IFT46: variants seen among roughly 807,000 people sequenced by gnomAD.
The protein encoded by IFT46 is intraflagellar transport 46, also known as intraflagellar transport protein 46 homolog.
Under a neutral mutation model 39.6 loss-of-function variants are expected in IFT46, and 19 were observed. That is an observed-to-expected ratio of 0.48 (90% CI 0.33 to 0.70). IFT46 has a LOEUF of 0.70. IFT46 is among the 30% of genes least tolerant of loss of function. The pLI, the probability that IFT46 is intolerant of heterozygous loss-of-function variation, is 0.01. For missense variants in IFT46, 334 were observed against 364.8 expected (o/e 0.92, Z 0.69); for synonymous variants, 117 against 134.8 (o/e 0.87, Z 0.91).
Position 118,544,910 on chromosome 11 carries a change from AGT to A in IFT46, c.*4_*5del. ...TCAGCCTTGAAACAGCAGCTTGGGAAGTGTCTCAGCTGAAGGTTAATGTCTCC... is the reference window on the plus strand; with the variant it reads ...TCAGCCTTGAAACAGCAGCTTGGGAAGTCTCAGCTGAAGGTTAATGTCTCC... On this transcript the variant is annotated 3_prime_UTR_variant, in exon 12 of 12. Transcript: ENST00000264021. The A allele has an allele frequency of 6.2e-7, 1 of 1,602,316 alleles. No individual in the cohort carries two copies. The highest frequency in any genetic ancestry group is 8.5e-7 in the Non-Finnish European group (1 of 1,169,732).
chr11:118,557,862 G>A, intron 3 of IFT46: 1 of 1,607,898 alleles, frequency 6.2e-7, no homozygotes, highest in Non-Finnish European at 8.5e-7. Flanking sequence ...TCTGTGGCCT[G>A]GAGCCTGTGG....
At chr11:118,549,716 G>A (rs2135482444) in intron 9 of IFT46, among the ~76,000 whole-genome samples, 1 of 151,612 alleles carries the variant, frequency 6.6e-6, no homozygotes, top group Middle Eastern at 3.5e-3. Context: ...GTAGAGATGG[G>A]GTTTCACCAT....
intron 7 of IFT46, 67 bp downstream of exon 7, chr11:118,554,392 G>A: frequency 6.8e-7 from 1 of 1,467,512 alleles, no homozygotes; most frequent in Non-Finnish European, 9.1e-7. Context: ...AACTGTATGA[G>A]TGCCAGCAAG....
At chr11:118,561,782 C>G (rs569180646) in intron 2 of IFT46, among the ~76,000 whole-genome samples, 1 of 152,274 alleles carries the variant, frequency 6.6e-6, no homozygotes, top group South Asian at 2.1e-4. Context: ...ATAATAGTCA[C>G]AAGTTTGAAT....
intron 9 of IFT46, among the ~76,000 whole-genome samples, chr11:118,548,239 T>C (rs1274522970): frequency 1.3e-5 from 2 of 151,220 alleles, no homozygotes; most frequent in Non-Finnish European, 1.5e-5. Context: ...TAATTTTTTC[T>C]ATTACATACA....
chr11:118,567,835 C>A (rs900729553), upstream of IFT46, among the ~76,000 whole-genome samples: 6 of 152,196 alleles, frequency 3.9e-5, no homozygotes, highest in Admixed American at 3.3e-4. Flanking sequence ...ATTATATCAT[C>A]TAATTTACTT....
At chr11:118,568,559 A>G (rs1265992193), upstream of IFT46, among the ~76,000 whole-genome samples, 2 of 152,090 alleles carry the variant, frequency 1.3e-5, no homozygotes, top group Non-Finnish European at 2.9e-5. Flanking sequence ...CAAAATAAAT[A>G]AATAAATAAT....
chr11:118,551,289 A>G (rs2135485754), intron 9 of IFT46, among the ~76,000 whole-genome samples: 1 of 151,748 alleles, frequency 6.6e-6, no homozygotes, highest in South Asian at 2.1e-4. Context: ...CAGGAGAATC[A>G]CTTGAATTGG....
chr11:118,574,533 C>T (rs569332578), upstream of IFT46, among the ~76,000 whole-genome samples: 1 of 151,620 alleles, frequency 6.6e-6, no homozygotes, highest in East Asian at 1.9e-4. Context: ...ATCATCCATC[C>T]ATCCCTCTCT....
At chr11:118,555,464 C>A in intron 4 of IFT46, 142 bp from the exon 5 acceptor site, 1 of 621,820 alleles carries the variant, frequency 1.6e-6, no homozygotes, top group South Asian at 2.0e-5. Flanking sequence ...TTCCTGGTGG[C>A]TTGCAAGGCA....
chr11:118,552,476 G>C lies in IFT46; in HGVS notation c.484-141C>G, dbSNP rs138739637. The C allele has an allele frequency of 2.3e-3, 2,320 of 1,000,020 alleles. 34 individuals carry two copies. In the African/African-American group the frequency reaches 0.031, roughly 13 times the overall value. 61.9% of individuals were successfully genotyped at this position (1,000,020 alleles called of 1,614,324 possible). A position where few individuals can be genotyped will look rare whatever the true frequency, so the allele number is the denominator to read the frequency against. The stretch of plus-strand genomic sequence containing the variant: ...CCACGTGAAACAGTAGCCAAATGAA[G>C]GGGATAGAAAACCCTGATAAAATCT... On this transcript the variant is annotated intron_variant, in intron 7 of 11. Coordinates refer to ENST00000264021, the MANE Select transcript of IFT46 (RefSeq NM_001168618.2).
chr11:118,568,566 TAATA>T (rs1228469280), upstream of IFT46, among the ~76,000 whole-genome samples: 6 of 151,852 alleles, frequency 4.0e-5, no homozygotes, highest in African/African-American at 1.2e-4. Flanking sequence ...AATAAATAAA[TAATA>T]AATAAATAAA....
Position 118,552,335 on chromosome 11 carries a change from G to C in IFT46, c.484C>G (p.Gln162Glu). ...TENSKQHNIT[Q>E]HMKVKSLEDA... ...TCTAGGCTTTTTACTTTCATATGTT[G>C]CTAGGAAAGTAAGGAGAAAGCCTAG... The change falls in exon 8 of 12, where the codon CAA becomes GAA. Residue 162 changes from glutamine (Q) to glutamate (E), a missense_variant and splice_region_variant. Gln to Glu is a conservative substitution (Grantham distance 29). Transcript: ENST00000264021. 2 of 1,613,990 alleles carry C rather than the reference G, an allele frequency of 1.2e-6. No homozygotes were observed. Among genetic ancestry groups the C allele is most frequent in the Non-Finnish European group, 1.7e-6 (2 of 1,179,976 alleles).
chr11:118,571,442 G>A (rs1336490089), intron 1 of IFT46, among the ~76,000 whole-genome samples: 1 of 152,156 alleles, frequency 6.6e-6, no homozygotes, highest in Non-Finnish European at 1.5e-5. Flanking sequence ...TCCTGGGTAT[G>A]TACCTATGAG....
upstream of IFT46, among the ~76,000 whole-genome samples, chr11:118,570,188 A>C (rs1938308571): frequency 6.6e-6 from 1 of 150,548 alleles, no homozygotes. Flanking sequence ...CGAACAGCTG[A>C]GACTACAGGC....
chr11:118,569,516 C>T (rs1938294347), upstream of IFT46, among the ~76,000 whole-genome samples: 1 of 152,062 alleles, frequency 6.6e-6, no homozygotes, highest in Admixed American at 6.6e-5. Context: ...AATATTTGAG[C>T]TTTCTAAAGA....
chr11:118,555,856 G>C (rs1337258418), intron 4 of IFT46, among the ~76,000 whole-genome samples: 2 of 151,708 alleles, frequency 1.3e-5, no homozygotes, highest in Non-Finnish European at 2.9e-5. Flanking sequence ...CTGGAAGGCA[G>C]AGGTTGCAGT....
At chr11:118,545,702 G>T in intron 10 of IFT46, 91 bp downstream of exon 10, 1 of 1,388,740 alleles carries the variant, frequency 7.2e-7, no homozygotes, top group Non-Finnish European at 1.0e-6. Context: ...TGAAACTCAA[G>T]ATACTATCTT....
intron 8 of IFT46, 97 bp from the exon 9 acceptor site, chr11:118,551,949 T>C: frequency 8.0e-7 from 1 of 1,246,994 alleles, no homozygotes; most frequent in Non-Finnish European, 1.2e-6. Flanking sequence ...AGGTCTTCAA[T>C]CTGGCACATC....
Sources: gnomAD v4.1 joint callset for allele counts (sites outside exome capture counted in the v4.1 genomes callset) on GRCh38, gnomAD v4.1.1 for gene constraint, MANE v1.5 for transcripts, NCBI Gene and HGNC (gene_info 2026-07-23, HGNC 2026-07-21) for gene names.